SNTG1: variants seen among roughly 807,000 people sequenced by gnomAD.
SNTG1 encodes the protein syntrophin gamma 1.
SNTG1 carries 39 observed loss-of-function variants against 74.7 expected under a neutral mutation model. That is an observed-to-expected ratio of 0.52 (90% confidence interval 0.40 to 0.68). The LOEUF (loss-of-function observed/expected upper bound fraction) is 0.68, where lower values mean the gene tolerates loss of function less well. SNTG1 is among the 30% of genes least tolerant of loss of function. The pLI is 0.00. For synonymous variants in SNTG1, 254 were observed against 217.1 expected (o/e 1.17, Z -1.49); for missense variants, 685 against 609.5 (o/e 1.12, Z -1.30).
Position 50,463,139 on chromosome 8 carries a change from C to A in SNTG1, c.363+12410C>A, listed in dbSNP as rs1474211757. On this transcript the variant is annotated intron_variant, in intron 8 of 18. Transcript: ENST00000642720. ...CCAGATTCTACTTCTAATTCCAGTT[C>A]TCTTGCTATTTCCACTGTTTGTTGT... Among the ~76,000 whole-genome samples the A allele has an allele frequency of 5.3e-5, 8 of 152,228 alleles. No individual in the cohort carries two copies. In the East Asian group the frequency reaches 9.7e-4, roughly 18 times the overall value.
intron 15 of SNTG1, among the ~76,000 whole-genome samples, chr8:50,670,278 T>A (rs2095273660): frequency 6.6e-6 from 1 of 152,182 alleles, no homozygotes; most frequent in African/African-American, 2.4e-5. Context: ...GACATGATTG[T>A]ATATCTAGAA....
intron 1 of SNTG1, among the ~76,000 whole-genome samples, chr8:50,114,389 C>A (rs980020898): frequency 6.6e-6 from 1 of 152,014 alleles, no homozygotes; most frequent in African/African-American, 2.4e-5. Flanking sequence ...ATGGATGAAC[C>A]TGGAGGACAT....
chr8:50,262,548 A>G (rs2087247610), intron 2 of SNTG1, among the ~76,000 whole-genome samples: 1 of 152,108 alleles, frequency 6.6e-6, no homozygotes, highest in Non-Finnish European at 1.5e-5. Flanking sequence ...AGCTGGGACT[A>G]CAGGCACCCA....
intron 9 of SNTG1, among the ~76,000 whole-genome samples, chr8:50,526,630 A>AC (rs2094221956): frequency 1.6e-5 from 2 of 127,208 alleles, no homozygotes; most frequent in African/African-American, 6.2e-5. Flanking sequence ...TGTATACACA[A>AC]ACACATATAT....
At chr8:50,672,138 T>C (rs1486962781) in intron 15 of SNTG1, among the ~76,000 whole-genome samples, 1 of 151,544 alleles carries the variant, frequency 6.6e-6, no homozygotes, top group Admixed American at 6.6e-5. Context: ...GGCACATGTA[T>C]ACATATGTAA....
At chr8:50,097,767 C>G (rs1385440802) in intron 1 of SNTG1, among the ~76,000 whole-genome samples, 2 of 152,030 alleles carry the variant, frequency 1.3e-5, no homozygotes, top group East Asian at 1.9e-4. Flanking sequence ...AGTGAAAAAA[C>G]TTAAGAGAAC....
intron 11 of SNTG1, among the ~76,000 whole-genome samples, chr8:50,552,466 T>A (rs908394358): frequency 6.6e-6 from 1 of 152,146 alleles, no homozygotes; most frequent in African/African-American, 2.4e-5. Flanking sequence ...TCCATGCAAA[T>A]GGAGAGCATG....
At chr8:49,913,840 G>C (rs982201248) in intron 1 of SNTG1, among the ~76,000 whole-genome samples, 1 of 152,152 alleles carries the variant, frequency 6.6e-6, no homozygotes, top group African/African-American at 2.4e-5. Context: ...AGTCAGTAGG[G>C]CATAAAATGT....
chr8:50,736,911 C>T (rs1003998723), intron 17 of SNTG1, among the ~76,000 whole-genome samples: 3 of 152,048 alleles, frequency 2.0e-5, no homozygotes, highest in Admixed American at 2.0e-4. Flanking sequence ...GCAGCTAAAG[C>T]AGTGTTTAGA....
At chr8:50,581,873 T>C (rs189444205) in intron 12 of SNTG1, among the ~76,000 whole-genome samples, 1 of 152,348 alleles carries the variant, frequency 6.6e-6, no homozygotes, top group East Asian at 1.9e-4. Flanking sequence ...GAATGTCTAG[T>C]GATAGACCTT....
At chr8:50,791,552 C>T (rs184213827) in intron 18 of SNTG1, among the ~76,000 whole-genome samples, 5 of 151,776 alleles carry the variant, frequency 3.3e-5, no homozygotes, top group African/African-American at 1.2e-4. Context: ...CTGTCTGGTA[C>T]ACGACAGATA....
At chr8:49,996,260 G>T (rs1814204778) in intron 1 of SNTG1, among the ~76,000 whole-genome samples, 1 of 151,852 alleles carries the variant, frequency 6.6e-6, no homozygotes, top group Non-Finnish European at 1.5e-5. Context: ...GAGGAGAAAA[G>T]GCCAAATCAC....
At chr8:50,174,644 T>A (rs963230920) in intron 2 of SNTG1, among the ~76,000 whole-genome samples, 1 of 152,196 alleles carries the variant, frequency 6.6e-6, no homozygotes, top group Non-Finnish European at 1.5e-5. Flanking sequence ...CATAGTTAAA[T>A]ATGTACTTCA....
chr8:50,572,709 G>C (rs1484026523), intron 12 of SNTG1, among the ~76,000 whole-genome samples: 1 of 152,124 alleles, frequency 6.6e-6, no homozygotes, highest in Non-Finnish European at 1.5e-5. Flanking sequence ...GGTAAAAGTA[G>C]AGTTTTCTCA....
At chr8:50,515,073 T>A (rs1225788109) in intron 9 of SNTG1, among the ~76,000 whole-genome samples, 1 of 152,212 alleles carries the variant, frequency 6.6e-6, no homozygotes, top group Non-Finnish European at 1.5e-5. Flanking sequence ...GAAATATTTT[T>A]CTCTATCATT....
rs375109826 is a variant in SNTG1 at position 50,255,443 on chromosome 8, G to A, written c.-28+82808G>A. On this transcript the variant is annotated intron_variant, in intron 2 of 18. Transcript: ENST00000642720. ...GGCTACCATAACAAAGTGGCACTCA[G>A]TAGGTGGCTTAAGGACACAGAAATT... Among the ~76,000 whole-genome samples, 15 of 152,312 alleles carry A rather than the reference G, an allele frequency of 9.8e-5. No homozygotes were observed. The East Asian group carries it at 1.9e-3, about 20-fold the overall frequency.
intron 13 of SNTG1, among the ~76,000 whole-genome samples, chr8:50,627,859 A>G (rs2094967313): frequency 6.6e-6 from 1 of 152,176 alleles, no homozygotes; most frequent in Admixed American, 6.5e-5. Context: ...GCTATCTGGA[A>G]GCCTTTATGA....
chr8:49,939,473 T>G (rs1292078753), intron 1 of SNTG1, among the ~76,000 whole-genome samples: 29 of 152,208 alleles, frequency 1.9e-4, no homozygotes, highest in Admixed American at 1.8e-3. Context: ...GTTGTTGTTG[T>G]TGGTTTTTTC....
At chr8:50,010,511 GATAGGATTACTA>G (rs1345401191) in intron 1 of SNTG1, among the ~76,000 whole-genome samples, 1 of 152,006 alleles carries the variant, frequency 6.6e-6, no homozygotes, top group Non-Finnish European at 1.5e-5. Context: ...CTGAATGTAT[GATAGGATTACTA>G]ACACATATGG....
Sources: allele counts gnomAD v4.1 joint callset (sites outside exome capture counted in the v4.1 genomes callset), GRCh38; gene constraint gnomAD v4.1.1; transcripts MANE v1.5; gene names NCBI Gene and HGNC (gene_info 2026-07-23, HGNC 2026-07-21).